PGM3: variants seen among roughly 807,000 people sequenced by gnomAD.
PGM3 encodes the protein phosphoglucomutase 3.
PGM3 carries 40 observed loss-of-function variants against 66.2 expected under a neutral mutation model. That is an observed-to-expected ratio of 0.60 (90% CI 0.47 to 0.79). PGM3 has a LOEUF of 0.79. Ranked by LOEUF, PGM3 falls within the 30% of genes least tolerant of loss-of-function variation. PGM3 has a pLI of 0.00. For synonymous variants in PGM3, 191 were observed against 224.2 expected (o/e 0.85, Z 1.32); for missense variants, 537 against 643.4 (o/e 0.83, Z 1.79).
At chr6:83,181,680 G>T in intron 6 of PGM3, 56 bp downstream of exon 6, 1 of 1,186,228 alleles carries the variant, frequency 8.4e-7, no homozygotes, top group Non-Finnish European at 1.2e-6. Context: ...GTTTATAAGT[G>T]AGATTGGCTT....
rs1437787673 is a variant in PGM3 at position 83,166,433 on chromosome 6, T to C, written c.*2801A>G. 2 of 702,004 alleles carry C rather than the reference T, an allele frequency of 2.8e-6. No individual in the cohort carries two copies. The highest frequency in any genetic ancestry group is 5.2e-6 in the Non-Finnish European group (2 of 384,772). The allele number at this position is 702,004 out of a possible 1,614,324, so 43.5% of individuals were successfully genotyped here. A position where few individuals can be genotyped will look rare whatever the true frequency, so the allele number is the denominator to read the frequency against. ...AGCAGTTCCTGGGCCAAATGCATTGTTGATGTTGTGTGTTGTCTCTGCTGC... is the reference window on the plus strand; with the variant it reads ...AGCAGTTCCTGGGCCAAATGCATTGCTGATGTTGTGTGTTGTCTCTGCTGC... On this transcript the variant is annotated 3_prime_UTR_variant, in exon 13 of 13. Coordinates refer to ENST00000513973, the MANE Select transcript of PGM3 (RefSeq NM_015599.3).
the PGM3 span, chr6:83,154,153 A>G: frequency 6.2e-7 from 1 of 1,608,650 alleles, no homozygotes; most frequent in Non-Finnish European, 8.5e-7. Flanking sequence ...CAACATAATT[A>G]CATGTTGTAA....
intron 11 of PGM3, 114 bp from the exon 12 acceptor site, chr6:83,170,592 CT>C (rs1338318950): frequency 7.4e-6 from 6 of 810,192 alleles, no homozygotes; most frequent in East Asian, 5.0e-5. Flanking sequence ...TACATTAAAA[CT>C]TCTTTCTCCA....
chr6:83,159,179 TATTA>T (rs1783592527), downstream of PGM3, among the ~76,000 whole-genome samples: 1 of 152,214 alleles, frequency 6.6e-6, no homozygotes, highest in African/African-American at 2.4e-5. Flanking sequence ...ATAACTTTAT[TATTA>T]TAGAGAATTT....
At chr6:83,172,972 A>C (rs922634198) in intron 10 of PGM3, among the ~76,000 whole-genome samples, 1 of 152,216 alleles carries the variant, frequency 6.6e-6, no homozygotes, top group Non-Finnish European at 1.5e-5. Flanking sequence ...GGTTCAGTAG[A>C]CACAAACTTT....
chr6:83,187,999 C>A (rs748654785), intron 3 of PGM3, among the ~76,000 whole-genome samples: 1 of 152,134 alleles, frequency 6.6e-6, no homozygotes, highest in Non-Finnish European at 1.5e-5. Flanking sequence ...GGTAAAAAAA[C>A]CAGTCCAGGT....
At chr6:83,185,490 G>A (rs764824084) in intron 4 of PGM3, among the ~76,000 whole-genome samples, 4 of 152,172 alleles carry the variant, frequency 2.6e-5, no homozygotes, top group East Asian at 1.9e-4. Flanking sequence ...GAGGCCGGGC[G>A]CAGTGGCTCA....
intron 8 of PGM3, among the ~76,000 whole-genome samples, chr6:83,177,124 C>G (rs1787829047): frequency 6.6e-6 from 1 of 152,070 alleles, no homozygotes; most frequent in Admixed American, 6.5e-5. Flanking sequence ...CTGGCACATA[C>G]TGACCTGTTT....
rs951679439 is a variant in PGM3, at chr6:83,168,606, C to T, written c.*628G>A. The T allele has an allele frequency of 4.0e-6, 4 of 997,430 alleles. No individual in the cohort carries two copies. The South Asian group carries it at 1.3e-4, about 33-fold the overall frequency. The allele number at this position is 997,430 out of a possible 1,614,324, so 61.8% of individuals were successfully genotyped here. On this transcript the variant is annotated 3_prime_UTR_variant, in exon 13 of 13. Transcript: ENST00000513973. ...AACGTATTATAATTAGTTTTTCTCC[C>T]ACATACCTTCACCAAGAGCAGTGAA...
downstream of PGM3, among the ~76,000 whole-genome samples, chr6:83,160,785 C>A (rs2128412507): frequency 6.6e-6 from 1 of 152,182 alleles, no homozygotes; most frequent in South Asian, 2.1e-4. Flanking sequence ...TATATTGTGT[C>A]TTATTTTTCT....
chr6:83,153,478 A>C, the PGM3 span: 1 of 1,438,706 alleles, frequency 7.0e-7, no homozygotes, highest in Non-Finnish European at 9.6e-7. Context: ...GTTTCACCTC[A>C]TATGTTACTC....
At chr6:83,159,802 A>G (rs1288037701), downstream of PGM3, 1 of 1,614,156 alleles carries the variant, frequency 6.2e-7, no homozygotes, top group Non-Finnish European at 8.5e-7. Flanking sequence ...ACAGGACTTC[A>G]GGGCCCTCTG....
chr6:83,167,058 C>T lies in PGM3; in HGVS notation c.*2176G>A. 1.0e-6 allele frequency: 1 copy of T among 985,298 alleles called. No individual in the cohort carries two copies. Among genetic ancestry groups the T allele is most frequent in the Non-Finnish European group, 1.2e-6 (1 of 829,820 alleles). The allele number at this position is 985,298 out of a possible 1,614,324, so 61.0% of individuals were successfully genotyped here. A position where few individuals can be genotyped will look rare whatever the true frequency, so the allele number is the denominator to read the frequency against. On this transcript the variant is annotated 3_prime_UTR_variant, in exon 13 of 13. Transcript: ENST00000513973. ...TGTTTGTGTAATTCAGGTGGCTTCT[C>T]AAACTAGCCTCTTAATACCCAAATT...
In PGM3 at chr6:83,169,319, CT is replaced by C; in HGVS notation, c.1543del (p.Ser515ValfsTer9). The C allele has an allele frequency of 1.9e-6, 3 of 1,613,548 alleles. No individual in the cohort carries two copies. The highest frequency in any genetic ancestry group is 2.5e-6 in the Non-Finnish European group (3 of 1,179,572). Reference sequence around the variant, plus strand: ...CACTTCATGTGCAAGGTGATCTGCACTTTCCTGCAAATTACATTAAAAGAGA... The same window carrying C: ...CACTTCATGTGCAAGGTGATCTGCACTTCCTGCAAATTACATTAAAAGAGA... ...RVYAEADSQESADHLAHEVSL... is the reference protein window; with the variant it reads ...RVYAEADSQEXADHLAHEVSL... On this transcript the variant is annotated frameshift_variant, in exon 13 of 13. Transcript: ENST00000513973. LOFTEE classifies it high-confidence loss of function.
Position 83,166,255 on chromosome 6 carries a change from G to T in PGM3, c.*2979C>A. ...AAAATGGTCAACATTGAGTTCTTGG[G>T]CAGCTCTCTTATAGTTGTAAGAGGA... On this transcript the variant is annotated 3_prime_UTR_variant, in exon 13 of 13. Coordinates refer to ENST00000513973, the MANE Select transcript of PGM3 (RefSeq NM_015599.3). The T allele has an allele frequency of 1.9e-6, 1 of 524,354 alleles. No homozygotes were observed. Among genetic ancestry groups the T allele is most frequent in the South Asian group, 3.4e-5 (1 of 29,376 alleles). The allele number at this position is 524,354 out of a possible 1,614,324, so 32.5% of individuals were successfully genotyped here. A position where few individuals can be genotyped will look rare whatever the true frequency, so the allele number is the denominator to read the frequency against.
chr6:83,192,543 T>A (rs1016352519), intron 1 of PGM3, among the ~76,000 whole-genome samples: 1 of 152,184 alleles, frequency 6.6e-6, no homozygotes, highest in African/African-American at 2.4e-5. Context: ...TTTTGTCCAG[T>A]TGGAAAAAGC....
chr6:83,154,405 A>G, the PGM3 span: 1 of 619,192 alleles, frequency 1.6e-6, no homozygotes, highest in Non-Finnish European at 2.8e-6. Flanking sequence ...TCTGTACGCT[A>G]TGGGAATATA....
chr6:83,179,862 C>T lies in PGM3; in HGVS notation c.893G>A (p.Gly298Glu). 1 of 1,613,540 alleles carries T rather than the reference C, an allele frequency of 6.2e-7. No homozygotes were observed. The highest frequency in any genetic ancestry group is 8.5e-7 in the Non-Finnish European group (1 of 1,179,624). The change falls in exon 7 of 13, where the codon GGA becomes GAA. Residue 298 changes from glycine to glutamate, a missense_variant. Coordinates refer to ENST00000513973, the MANE Select transcript of PGM3 (RefSeq NM_015599.3). Reference sequence around the variant, plus strand: ...GCTAATTAACGTTGCTATCTTGTCTCCATCTATGAGATGAAAGTGGCCATC... The same window carrying T: ...GCTAATTAACGTTGCTATCTTGTCTTCATCTATGAGATGAAAGTGGCCATC... Reference protein sequence around the residue: ...DADGHFHLIDGDKIATLISSF... With the variant: ...DADGHFHLIDEDKIATLISSF...
At chr6:83,174,544 G>T (rs1342559436) in intron 9 of PGM3, 57 bp from the exon 10 acceptor site, 2 of 886,642 alleles carry the variant, frequency 2.3e-6, no homozygotes, top group Non-Finnish European at 3.5e-6. Context: ...CTAGTCATAA[G>T]TACTATTATT....
Sources: gnomAD v4.1 joint callset for allele counts (sites outside exome capture counted in the v4.1 genomes callset) on GRCh38, gnomAD v4.1.1 for gene constraint, MANE v1.5 for transcripts, NCBI Gene and HGNC (gene_info 2026-07-23, HGNC 2026-07-21) for gene names.